CDK2AP1: variants seen among roughly 807,000 people sequenced by gnomAD.
The protein encoded by CDK2AP1 is cyclin-dependent kinase 2-associated protein 1.
Under a neutral mutation model 14.1 loss-of-function variants are expected in CDK2AP1, and 10 were observed. The observed-to-expected ratio is 0.71, with a 90% CI of 0.44 to 1.20. CDK2AP1 has a LOEUF of 1.20. Among genes scored for constraint, CDK2AP1 ranks in the 50% most tolerant of loss-of-function variants. The pLI is 0.00. For missense variants in CDK2AP1, 102 were observed against 149.9 expected (o/e 0.68, Z 1.67); for synonymous variants, 59 against 59.8 (o/e 0.99, Z 0.06).
intron 1 of CDK2AP1, among the ~76,000 whole-genome samples, 160 bp downstream of exon 1, chr12:123,271,404 G>C (rs193010619): frequency 0.067 from 9,838 of 146,780 alleles, 855 homozygotes; most frequent in African/African-American, 0.2. Flanking sequence ...TTCGCGGCGC[G>C]GGCTCGGGAA....
chr12:123,266,674 T>G (rs1270476771), intron 2 of CDK2AP1, among the ~76,000 whole-genome samples: 2 of 151,760 alleles, frequency 1.3e-5, no homozygotes, highest in African/African-American at 2.4e-5. Context: ...AAGTGGGGGG[T>G]CACAGTCTGG....
chr12:123,262,448 G>C (rs1020244381), intron 3 of CDK2AP1: 5 of 152,144 alleles, frequency 3.3e-5, no homozygotes, highest in African/African-American at 1.2e-4. Context: ...GAGGCCACTG[G>C]GAATGACATC....
intron 1 of CDK2AP1, chr12:123,270,087 G>T: frequency 2.9e-6 from 1 of 341,950 alleles, no homozygotes; most frequent in Non-Finnish European, 4.1e-6. Flanking sequence ...ATGACACCAG[G>T]GTAAGCCTGA....
At chr12:123,267,559 A>C in intron 1 of CDK2AP1, 1 of 386,166 alleles carries the variant, frequency 2.6e-6, no homozygotes, top group Non-Finnish European at 4.9e-6. Context: ...GCTGCTCCCA[A>C]AGATAAAATT....
At chr12:123,269,732 G>C (rs2048336504) in intron 1 of CDK2AP1, among the ~76,000 whole-genome samples, 1 of 152,204 alleles carries the variant, frequency 6.6e-6, no homozygotes, top group Admixed American at 6.5e-5. Context: ...TGCCACCACC[G>C]GCCAGGCCGC....
chr12:123,271,131 T>A, intron 1 of CDK2AP1: 1 of 600,690 alleles, frequency 1.7e-6, no homozygotes, highest in Non-Finnish European at 2.1e-6. Context: ...CCGGGCTGCT[T>A]CACGACCCCG....
chr12:123,261,502 G>T lies in CDK2AP1; in HGVS notation c.*234C>A. The stretch of plus-strand genomic sequence containing the variant: ...CTTTCCGTGCATCTTTTAAATCAAT[G>T]CTTAAAAAACAAAAAAAACCTGGGC... On this transcript the variant is annotated 3_prime_UTR_variant, in exon 4 of 4. Transcript: ENST00000261692. 2.2e-6 allele frequency: 1 copy of T among 462,196 alleles called. No homozygotes were observed. Among genetic ancestry groups the T allele is most frequent in the East Asian group, 3.8e-5 (1 of 26,212 alleles). 28.6% of individuals were successfully genotyped at this position (462,196 alleles called of 1,614,324 possible).
rs545157473 is a variant in CDK2AP1 at position 123,265,373 on chromosome 12, C to T, written c.154-51G>A. ...GCAAAATCAGCCGGGCGTGGTGGTG[C>T]GTGCCTGTAGTCCCAGTTACTCAGG... On this transcript the variant is annotated intron_variant, in intron 2 of 3. Coordinates refer to ENST00000261692, the MANE Select transcript of CDK2AP1 (RefSeq NM_004642.4). The surrounding 1 kb of genome is among the most constrained non-coding windows in gnomAD (Gnocchi z 5.3). 9 of 1,596,842 alleles carry T rather than the reference C, an allele frequency of 5.6e-6. No individual in the cohort carries two copies. The Middle Eastern group carries it at 5.0e-4, about 89-fold the overall frequency.
chr12:123,268,304 C>T (rs1326349707), intron 1 of CDK2AP1: 7 of 901,750 alleles, frequency 7.8e-6, no homozygotes, highest in Non-Finnish European at 9.3e-6. Context: ...ACCAGCTGCT[C>T]GCTTGGTGTG....
intron 3 of CDK2AP1, among the ~76,000 whole-genome samples, chr12:123,264,077 C>T (rs567686099): frequency 9.9e-4 from 150 of 151,122 alleles, no homozygotes; most frequent in African/African-American, 3.5e-3. Flanking sequence ...CCACTGCACT[C>T]CAGCCCAGGT....
At chr12:123,270,534 T>G (rs990642510) in intron 1 of CDK2AP1, among the ~76,000 whole-genome samples, 3 of 152,148 alleles carry the variant, frequency 2.0e-5, no homozygotes, top group African/African-American at 4.8e-5. Context: ...AACCGCCTTT[T>G]GGGAAGTCTG....
rs1317932747 is a variant in CDK2AP1 at position 123,271,753 on chromosome 12, T to C, written c.-135A>G. ...CGCCGAGCGCCCGCGCACTTTTTGT[T>C]GTCGGCGGCTCGGGCCGCGCCGGCA... On this transcript the variant is annotated 5_prime_UTR_variant, in exon 1 of 4. Transcript: ENST00000261692. 1.1e-5 allele frequency: 2 copies of C among 175,124 alleles called. No homozygotes were observed. The highest frequency in any genetic ancestry group is 3.9e-4 in the East Asian group (2 of 5,144). The allele number at this position is 175,124 out of a possible 1,614,324, so 10.8% of individuals were successfully genotyped here.
Position 123,271,493 on chromosome 12 carries a change from C to G in CDK2AP1, c.55+71G>C, listed in dbSNP as rs1357842368. ...GCCTCCGCGGGCGCCCCGGGCATCC[C>G]CGGGCCGGGGCCGGGCGCGCGGACC... On this transcript the variant is annotated intron_variant, in intron 1 of 3. Transcript: ENST00000261692. 2.0e-5 allele frequency: 18 copies of G among 907,292 alleles called. No individual in the cohort carries two copies. In the East Asian group the frequency reaches 2.1e-3, roughly 105 times the overall value. 56.2% of individuals were successfully genotyped at this position (907,292 alleles called of 1,614,324 possible). A position where few individuals can be genotyped will look rare whatever the true frequency, so the allele number is the denominator to read the frequency against.
At chr12:123,271,995 G>A (rs1367501482), upstream of CDK2AP1, 1 of 147,396 alleles carries the variant, frequency 6.8e-6, no homozygotes, top group Non-Finnish European at 1.5e-5. Flanking sequence ...TGGGGTCCCG[G>A]CGGCGCCTGA....
Position 123,269,955 on chromosome 12 carries a change from A to G in CDK2AP1, c.55+1609T>C, listed in dbSNP as rs2138824389. On this transcript the variant is annotated intron_variant, in intron 1 of 3. Transcript: ENST00000261692. The stretch of plus-strand genomic sequence containing the variant: ...CGGCACTCCTGGAATTCTCCACAGG[A>G]CAAAGAAGAAAAGCTGAGTACAGGT... Among the ~76,000 whole-genome samples the G allele has an allele frequency of 2.0e-5, 3 of 152,250 alleles. 1 individual carries two copies. The South Asian group carries it at 6.2e-4, about 32-fold the overall frequency.
In CDK2AP1 at chr12:123,261,461, G is replaced by C; in HGVS notation, c.*275C>G. The C allele has an allele frequency of 1.0e-5, 4 of 391,198 alleles. No homozygotes were observed. In the South Asian group the frequency reaches 1.1e-4, roughly 11 times the overall value. The allele number at this position is 391,198 out of a possible 1,614,324, so 24.2% of individuals were successfully genotyped here. The stretch of plus-strand genomic sequence containing the variant: ...AATGGTGTCTTGGAGGCAAACTACA[G>C]TTTGCTGTAAGATAACTTTCCGTGC... On this transcript the variant is annotated 3_prime_UTR_variant, in exon 4 of 4. Coordinates refer to ENST00000261692, the MANE Select transcript of CDK2AP1 (RefSeq NM_004642.4).
In CDK2AP1 at chr12:123,271,585, G is replaced by A. The variant is rs1593300075; in HGVS notation, c.34C>T (p.Pro12Ser). The change falls in exon 1 of 4, where the codon CCC becomes TCC. Residue 12 changes from proline to serine, a missense_variant. Physicochemically the swap from Pro to Ser is moderately conservative, Grantham distance 74. Coordinates refer to ENST00000261692, the MANE Select transcript of CDK2AP1 (RefSeq NM_004642.4). ...SYKPNLAAHM[P>S]AAALNAAGSV... ...TCACCGGCGTTGAGGGCGGCGGCGG[G>A]CATGTGCGCGGCCAAGTTCGGTTTG... 9.9e-7 allele frequency: 1 copy of A among 1,010,430 alleles called. No homozygotes were observed. Among genetic ancestry groups the A allele is most frequent in the Non-Finnish European group, 1.2e-6 (1 of 846,718 alleles). 62.6% of individuals were successfully genotyped at this position (1,010,430 alleles called of 1,614,324 possible). A position where few individuals can be genotyped will look rare whatever the true frequency, so the allele number is the denominator to read the frequency against.
chr12:123,264,315 A>C (rs138281668), intron 3 of CDK2AP1, among the ~76,000 whole-genome samples: 2 of 149,896 alleles, frequency 1.3e-5, no homozygotes, highest in East Asian at 2.0e-4. Context: ...AAAAAATTAG[A>C]CAGGTGTGGT....
chr12:123,270,395 G>A (rs1240860034), intron 1 of CDK2AP1, among the ~76,000 whole-genome samples: 1 of 151,984 alleles, frequency 6.6e-6, no homozygotes, highest in Non-Finnish European at 1.5e-5. Flanking sequence ...CTTCCGATTT[G>A]GGGGGTTACG....
Sources: gnomAD v4.1 joint callset for allele counts (sites outside exome capture counted in the v4.1 genomes callset) on GRCh38, gnomAD v4.1.1 for gene constraint, Gnocchi (gnomAD v3.1) non-coding constraint, MANE v1.5 for transcripts, NCBI Gene and HGNC (gene_info 2026-07-23, HGNC 2026-07-21) for gene names.